CPNE8: variants seen among roughly 807,000 people sequenced by gnomAD.
The protein encoded by CPNE8 is copine 8, also known as copine-8.
In CPNE8, 45 loss-of-function variants were observed where a neutral mutation model predicts 81.5. The ratio of observed to expected loss-of-function variants is 0.55; its 90% confidence interval spans 0.44 to 0.71. CPNE8 has a LOEUF of 0.71. CPNE8 is among the 30% of genes least tolerant of loss of function. The probability of loss-of-function intolerance (pLI) is 0.00; values close to 1 mark genes in which losing one functional copy is unlikely to be tolerated. For missense variants in CPNE8, 594 were observed against 672.1 expected, an observed-to-expected ratio of 0.88 and a Z score of 1.28; for synonymous variants, 252 against 226.3, an observed-to-expected ratio of 1.11 and a Z score of -1.02.
chr12:38,682,114 G>A (rs1244954341), intron 16 of CPNE8, among the ~76,000 whole-genome samples: 1 of 152,106 alleles, frequency 6.6e-6, no homozygotes, highest in African/African-American at 2.4e-5. Context: ...CAGCTACTCG[G>A]GAGGCTGAGG....
At chr12:38,786,538 C>T (rs1450735544) in intron 6 of CPNE8, among the ~76,000 whole-genome samples, 4 of 152,122 alleles carry the variant, frequency 2.6e-5, no homozygotes, top group Non-Finnish European at 5.9e-5. Context: ...ACTGGCTCTC[C>T]TTGATCCTCA....
intron 15 of CPNE8, among the ~76,000 whole-genome samples, chr12:38,688,380 T>A (rs1430574246): frequency 6.6e-6 from 1 of 152,218 alleles, no homozygotes; most frequent in Non-Finnish European, 1.5e-5. Flanking sequence ...AAATTATGCC[T>A]TCTTTTTAGT....
intron 16 of CPNE8, among the ~76,000 whole-genome samples, chr12:38,678,728 T>C (rs1939345492): frequency 6.6e-6 from 1 of 151,900 alleles, no homozygotes; most frequent in Non-Finnish European, 1.5e-5. Context: ...ATAAGATTTG[T>C]CCATGCTACT....
intron 14 of CPNE8, among the ~76,000 whole-genome samples, chr12:38,695,381 C>T (rs1939770413): frequency 6.6e-6 from 1 of 152,212 alleles, no homozygotes; most frequent in Admixed American, 6.5e-5. Context: ...CACAAACCAA[C>T]TTCCGGGCTA....
At chr12:38,767,339 A>T (rs1941710484) in intron 8 of CPNE8, among the ~76,000 whole-genome samples, 1 of 152,098 alleles carries the variant, frequency 6.6e-6, no homozygotes, top group Admixed American at 6.6e-5. Context: ...TTGTTTCAGC[A>T]TTCAGGTTTT....
intron 10 of CPNE8, among the ~76,000 whole-genome samples, chr12:38,755,980 C>T (rs1941449291): frequency 7.1e-6 from 1 of 141,040 alleles, no homozygotes; most frequent in African/African-American, 2.6e-5. Flanking sequence ...GCGGAGCTTG[C>T]AGTGAGCCGA....
In CPNE8 at chr12:38,766,761, T is replaced by TA. The variant is rs928204758; in HGVS notation, c.575+873dup. 1.1e-3 allele frequency among the ~76,000 whole-genome samples: 174 copies of TA among 152,042 alleles called. No individual in the cohort carries two copies. In the Middle Eastern group the frequency reaches 0.02, roughly 18 times the overall value. ...CTTTAGCTGATATATTACACATAGT[T>TA]AAAAAAACAAAAAAGAAAATATTAA... On this transcript the variant is annotated intron_variant, in intron 8 of 19. Coordinates refer to ENST00000331366, the MANE Select transcript of CPNE8 (RefSeq NM_153634.3).
At chr12:38,665,064 C>T (rs1355492243) in intron 19 of CPNE8, among the ~76,000 whole-genome samples, 1 of 152,168 alleles carries the variant, frequency 6.6e-6, no homozygotes, top group Non-Finnish European at 1.5e-5. Flanking sequence ...CAAGTGACTT[C>T]AGAAATTTCC....
At chr12:38,771,060 G>A (rs1941789451) in intron 7 of CPNE8, among the ~76,000 whole-genome samples, 1 of 151,984 alleles carries the variant, frequency 6.6e-6, no homozygotes, top group African/African-American at 2.4e-5. Flanking sequence ...TCTATTCTAA[G>A]CATTCATTCC....
chr12:38,903,718 C>T (rs1369547728), intron 1 of CPNE8, among the ~76,000 whole-genome samples: 2 of 152,202 alleles, frequency 1.3e-5, no homozygotes, highest in Admixed American at 1.3e-4. Flanking sequence ...TATCCATTAT[C>T]TGTATATACC....
At chr12:38,870,355 C>T (rs145864923) in intron 3 of CPNE8, among the ~76,000 whole-genome samples, 8 of 152,264 alleles carry the variant, frequency 5.3e-5, no homozygotes, top group Admixed American at 2.0e-4. Context: ...GTGTTTACTG[C>T]GGCACTGTTC....
chr12:38,841,490 A>C (rs980893645), intron 4 of CPNE8, among the ~76,000 whole-genome samples: 2 of 152,200 alleles, frequency 1.3e-5, no homozygotes, highest in Non-Finnish European at 2.9e-5. Context: ...TTTTAAGACA[A>C]TCAGAGAAAT....
intron 11 of CPNE8, among the ~76,000 whole-genome samples, chr12:38,727,306 TA>T (rs1189756792): frequency 1.3e-5 from 2 of 152,194 alleles, no homozygotes; most frequent in Non-Finnish European, 2.9e-5. Flanking sequence ...AGTGGCTGTG[TA>T]AACCAACAGT....
chr12:38,715,293 A>G (rs1940358602), intron 13 of CPNE8, among the ~76,000 whole-genome samples: 1 of 152,116 alleles, frequency 6.6e-6, no homozygotes, highest in African/African-American at 2.4e-5. Context: ...AATAAATTCA[A>G]GAAAACTAAG....
chr12:38,748,749 A>G (rs1245545688), intron 10 of CPNE8, among the ~76,000 whole-genome samples: 2 of 152,122 alleles, frequency 1.3e-5, no homozygotes, highest in African/African-American at 4.8e-5. Flanking sequence ...GTGATCCACC[A>G]TAACAGTATT....
intron 5 of CPNE8, among the ~76,000 whole-genome samples, chr12:38,837,636 A>G (rs1943406126): frequency 6.6e-6 from 1 of 152,126 alleles, no homozygotes; most frequent in African/African-American, 2.4e-5. Context: ...AGGCTGGAGA[A>G]GCAGCAAGGG....
intron 6 of CPNE8, among the ~76,000 whole-genome samples, chr12:38,796,575 C>G (rs1420818908): frequency 6.6e-6 from 1 of 152,058 alleles, no homozygotes; most frequent in Non-Finnish European, 1.5e-5. Flanking sequence ...GCCAAGATGG[C>G]CGAATAGGAA....
In CPNE8 at chr12:38,667,232, C is replaced by T. The variant is rs550018533; in HGVS notation, c.1506+3497G>A. ...AAAGGTAAGACAGCCTAAATAGACC[C>T]TATTATCTGATAATATTTTAGAGAA... On this transcript the variant is annotated intron_variant, in intron 19 of 19. Coordinates refer to ENST00000331366, the MANE Select transcript of CPNE8 (RefSeq NM_153634.3). Among the ~76,000 whole-genome samples the T allele has an allele frequency of 1.2e-4, 19 of 152,164 alleles. No homozygotes were observed. In the East Asian group the frequency reaches 3.3e-3, roughly 26 times the overall value.
At chr12:38,663,374 C>A (rs573010155) in intron 19 of CPNE8, among the ~76,000 whole-genome samples, 1 of 151,898 alleles carries the variant, frequency 6.6e-6, no homozygotes, top group Non-Finnish European at 1.5e-5. Flanking sequence ...CAAAAGAAGG[C>A]ACACAAATGG....
Sources: gnomAD v4.1 joint callset for allele counts (sites outside exome capture counted in the v4.1 genomes callset) on GRCh38, gnomAD v4.1.1 for gene constraint, MANE v1.5 for transcripts, NCBI Gene and HGNC (gene_info 2026-07-23, HGNC 2026-07-21) for gene names.